The following IGSF21 variants were observed in gnomAD, a reference collection of about 807,000 sequenced individuals.
The protein encoded by IGSF21 is immunoglobulin superfamily member 21.
A neutral mutation model predicts 46.8 loss-of-function variants in IGSF21; 28 were observed. That is an observed-to-expected ratio of 0.60 (90% CI 0.44 to 0.82). The LOEUF (loss-of-function observed/expected upper bound fraction) is 0.82, where lower values mean the gene tolerates loss of function less well. Among genes scored for constraint, IGSF21 ranks in the 40% least tolerant of loss-of-function variants. The pLI, the probability that IGSF21 is intolerant of heterozygous loss-of-function variation, is 0.00. For missense variants in IGSF21, 624 were observed against 665.5 expected, an observed-to-expected ratio of 0.94 and a Z score of 0.69; for synonymous variants, 284 against 273.6, an observed-to-expected ratio of 1.04 and a Z score of -0.38.
At chr1:18,357,189 T>C (rs1309200541) in intron 4 of IGSF21, among the ~76,000 whole-genome samples, 1 of 91,748 alleles carries the variant, frequency 1.1e-5, no homozygotes, top group East Asian at 3.2e-4. Flanking sequence ...GAGATGGAGA[T>C]GGAGATGGGA....
At chr1:18,154,209 T>G (rs1344599727) in intron 1 of IGSF21, among the ~76,000 whole-genome samples, 1 of 152,188 alleles carries the variant, frequency 6.6e-6, no homozygotes, top group African/African-American at 2.4e-5. Flanking sequence ...TTCGCTGGCC[T>G]GATACTGTCT....
intron 1 of IGSF21, among the ~76,000 whole-genome samples, chr1:18,195,619 T>C (rs1021214933): frequency 3.9e-5 from 6 of 152,184 alleles, no homozygotes; most frequent in African/African-American, 1.2e-4. Flanking sequence ...TTCCATTCTC[T>C]TTGCACCTGG....
chr1:18,335,888 T>C lies in IGSF21; in HGVS notation c.424+878T>C, dbSNP rs906927187. 3.9e-5 allele frequency among the ~76,000 whole-genome samples: 6 copies of C among 152,196 alleles called. No individual in the cohort carries two copies. Among genetic ancestry groups the C allele is most frequent in the African/African-American group, 1.4e-4 (6 of 41,442 alleles). ...ACCCGTGGTGGTTCTGGCTTCCCGATGGAGCCACAATGCAGGAGGTGGCAT... is the reference window on the plus strand; with the variant it reads ...ACCCGTGGTGGTTCTGGCTTCCCGACGGAGCCACAATGCAGGAGGTGGCAT... On this transcript the variant is annotated intron_variant, in intron 4 of 9. Transcript: ENST00000251296. The surrounding 1 kb of genome is among the most constrained non-coding windows in gnomAD (Gnocchi z 4.8).
At chr1:18,283,752 T>A (rs1162227091) in intron 2 of IGSF21, among the ~76,000 whole-genome samples, 1 of 152,118 alleles carries the variant, frequency 6.6e-6, no homozygotes, top group Non-Finnish European at 1.5e-5. Flanking sequence ...CCAACTCTAC[T>A]ACCTGAGCCA....
At position 18,322,860 on chromosome 1, in the gene IGSF21, A is replaced by T. The variant is rs2085617532; in HGVS notation, c.306-12032A>T. 6.6e-6 allele frequency among the ~76,000 whole-genome samples: 1 copy of T among 152,082 alleles called. No homozygotes were observed. Among genetic ancestry groups the T allele is most frequent in the Admixed American group, 6.5e-5 (1 of 15,268 alleles). On this transcript the variant is annotated intron_variant, in intron 3 of 9. Coordinates refer to ENST00000251296, the MANE Select transcript of IGSF21 (RefSeq NM_032880.5). This position sits in a 1 kb window ranked among gnomAD's most constrained non-coding sequence, Gnocchi z 4.3. ...CCTGGAGAGGAAGCCGGTGGAGAAG[A>T]GCGGGAGATGTCGGAATGGGTGAAG...
intron 1 of IGSF21, among the ~76,000 whole-genome samples, chr1:18,168,358 C>A (rs1188835621): frequency 6.6e-6 from 1 of 152,154 alleles, no homozygotes; most frequent in Non-Finnish European, 1.5e-5. Context: ...GACTTAGCAG[C>A]ACACTGAACA....
At chr1:18,185,462 C>A (rs1167482737) in intron 1 of IGSF21, among the ~76,000 whole-genome samples, 1 of 152,226 alleles carries the variant, frequency 6.6e-6, no homozygotes, top group Non-Finnish European at 1.5e-5. Flanking sequence ...GCAGCAGGAT[C>A]CACATGAATT....
intron 1 of IGSF21, among the ~76,000 whole-genome samples, chr1:18,169,750 A>T (rs2086717802): frequency 6.6e-6 from 1 of 152,102 alleles, no homozygotes; most frequent in South Asian, 2.1e-4. Flanking sequence ...TTTTCAAATC[A>T]TGGAGTCCTG....
intron 1 of IGSF21, among the ~76,000 whole-genome samples, chr1:18,221,047 T>G (rs566083548): frequency 5.0e-4 from 76 of 151,352 alleles, no homozygotes; most frequent in Non-Finnish European, 9.9e-4. Context: ...AAGCCCATGT[T>G]GCATACTTTG....
intron 3 of IGSF21, among the ~76,000 whole-genome samples, chr1:18,331,228 T>C (rs2085709532): frequency 1.3e-5 from 2 of 152,160 alleles, no homozygotes; most frequent in East Asian, 1.9e-4. Context: ...GTATGCCCTA[T>C]CCCAATTTGT....
intron 2 of IGSF21, among the ~76,000 whole-genome samples, chr1:18,284,870 A>G (rs78665345): frequency 6.6e-6 from 1 of 151,990 alleles, no homozygotes; most frequent in African/African-American, 2.4e-5. Flanking sequence ...TCTATATCTA[A>G]TCAGTTCATT....
chr1:18,279,569 C>A (rs903089912), intron 2 of IGSF21, among the ~76,000 whole-genome samples: 1 of 152,158 alleles, frequency 6.6e-6, no homozygotes, highest in Non-Finnish European at 1.5e-5. Flanking sequence ...GAGCCAAGGC[C>A]CAGAGAGGGA....
chr1:18,183,425 A>G (rs1475262846), intron 1 of IGSF21, among the ~76,000 whole-genome samples: 1 of 152,208 alleles, frequency 6.6e-6, no homozygotes, highest in Non-Finnish European at 1.5e-5. Flanking sequence ...AGTAGATAGG[A>G]TATATGGCAG....
intron 1 of IGSF21, among the ~76,000 whole-genome samples, chr1:18,118,191 A>G (rs1393648856): frequency 6.6e-6 from 1 of 152,110 alleles, no homozygotes; most frequent in Non-Finnish European, 1.5e-5. Flanking sequence ...CTCTTTCTAC[A>G]GAGGCGCTCA....
intron 1 of IGSF21, 47 bp from the exon 2 acceptor site, chr1:18,227,850 CT>C (rs1367949024): frequency 1.8e-5 from 25 of 1,418,418 alleles, no homozygotes; most frequent in Middle Eastern, 1.8e-4. Flanking sequence ...AGCCCAGCCC[CT>C]CTGATCTGCT....
intron 4 of IGSF21, 192 bp from the exon 5 acceptor site, chr1:18,361,923 C>G (rs1216693279): frequency 1.7e-6 from 1 of 580,556 alleles, no homozygotes; most frequent in Non-Finnish European, 3.1e-6. Context: ...GGGGAGGGCT[C>G]TTGTCTATAT....
chr1:18,228,760 ACTC>A (rs1270661312), intron 2 of IGSF21, among the ~76,000 whole-genome samples: 2 of 151,940 alleles, frequency 1.3e-5, no homozygotes, highest in African/African-American at 2.4e-5. Flanking sequence ...CTGGGGGAGA[ACTC>A]CTCTTCTGTC....
At chr1:18,276,918 A>G (rs2085107866) in intron 2 of IGSF21, among the ~76,000 whole-genome samples, 1 of 152,172 alleles carries the variant, frequency 6.6e-6, no homozygotes, top group South Asian at 2.1e-4. Flanking sequence ...ACTCATACAT[A>G]CAAATTATCA....
intron 1 of IGSF21, among the ~76,000 whole-genome samples, chr1:18,168,475 C>T (rs2086701245): frequency 6.6e-6 from 1 of 152,168 alleles, no homozygotes; most frequent in Non-Finnish European, 1.5e-5. Flanking sequence ...CCTGGGTCAT[C>T]GTCACTTAGA....
Sources: gnomAD v4.1 joint callset for allele counts (sites outside exome capture counted in the v4.1 genomes callset) on GRCh38, gnomAD v4.1.1 for gene constraint, Gnocchi (gnomAD v3.1) non-coding constraint, MANE v1.5 for transcripts, NCBI Gene and HGNC (gene_info 2026-07-23, HGNC 2026-07-21) for gene names.